Variants in COL26A1 observed in about 807,000 individuals in gnomAD.
COL26A1 encodes the protein collagen alpha-1(XXVI) chain.
A neutral mutation model predicts 59.3 loss-of-function variants in COL26A1; 41 were observed. The ratio of observed to expected loss-of-function variants is 0.69; its 90% confidence interval spans 0.54 to 0.90. The LOEUF is 0.90. Ranked by LOEUF, COL26A1 falls within the 40% of genes least tolerant of loss-of-function variation. The probability of loss-of-function intolerance (pLI) is 0.00; values close to 1 mark genes in which losing one functional copy is unlikely to be tolerated. For synonymous variants in COL26A1, 266 were observed against 256.0 expected (o/e 1.04, Z -0.37); for missense variants, 612 against 602.3 (o/e 1.02, Z -0.17).
chr7:101,441,640 C>G (rs1793060345), intron 2 of COL26A1, among the ~76,000 whole-genome samples: 1 of 152,140 alleles, frequency 6.6e-6, no homozygotes, highest in Non-Finnish European at 1.5e-5. Context: ...TTTTATTGTT[C>G]TCATGACCAT....
chr7:101,407,219 A>C (rs1254073569), intron 1 of COL26A1, among the ~76,000 whole-genome samples: 1 of 151,284 alleles, frequency 6.6e-6, no homozygotes, highest in Non-Finnish European at 1.5e-5. Context: ...CTCTGACCTG[A>C]CTCCATGCCC....
chr7:101,520,311 C>A lies in COL26A1; in HGVS notation c.386-12771C>A, dbSNP rs149406562. 6.2e-3 allele frequency among the ~76,000 whole-genome samples: 939 copies of A among 152,264 alleles called. 1 individual carries two copies. Among genetic ancestry groups the A allele is most frequent in the Non-Finnish European group, 9.2e-3 (625 of 68,018 alleles). ...CAGGGCAGCTCAGCTAGAGACGGTG[C>A]AGAACACAGGGTCCTTGGGGACCCT... On this transcript the variant is annotated intron_variant, in intron 3 of 12. Transcript: ENST00000313669.
intron 1 of COL26A1, among the ~76,000 whole-genome samples, chr7:101,403,824 G>A (rs560275321): frequency 5.3e-5 from 8 of 152,288 alleles, no homozygotes; most frequent in Admixed American, 3.3e-4. Flanking sequence ...GGCCGGGCAC[G>A]GTGGCTCACG....
intron 1 of COL26A1, among the ~76,000 whole-genome samples, chr7:101,410,362 C>T (rs577392249): frequency 2.6e-5 from 4 of 152,242 alleles, no homozygotes; most frequent in East Asian, 3.9e-4. Context: ...CTTGTTTTAC[C>T]GTACCTGCAT....
chr7:101,435,773 C>T (rs541203271), intron 2 of COL26A1, among the ~76,000 whole-genome samples: 2 of 152,298 alleles, frequency 1.3e-5, no homozygotes, highest in African/African-American at 4.8e-5. Flanking sequence ...TTGGCTGTCT[C>T]CCAGGCCCCT....
chr7:101,548,389 C>T (rs112750123), intron 8 of COL26A1, among the ~76,000 whole-genome samples: 33 of 152,336 alleles, frequency 2.2e-4, no homozygotes, highest in African/African-American at 7.0e-4. Flanking sequence ...TGGGCACACA[C>T]ATGAGACCCA....
intron 3 of COL26A1, among the ~76,000 whole-genome samples, chr7:101,469,019 C>G (rs1562996147): frequency 6.6e-6 from 1 of 152,136 alleles, no homozygotes; most frequent in Non-Finnish European, 1.5e-5. Flanking sequence ...TCTCCCAGCA[C>G]AAATGTTTCC....
intron 1 of COL26A1, among the ~76,000 whole-genome samples, chr7:101,394,853 G>A (rs367724543): frequency 9.4e-5 from 14 of 148,966 alleles, no homozygotes; most frequent in African/African-American, 2.7e-4. Flanking sequence ...TCCATAAAGC[G>A]GTTTCTTTTT....
At chr7:101,455,711 C>T (rs36037603) in intron 3 of COL26A1, among the ~76,000 whole-genome samples, 50,174 of 151,322 alleles carry the variant, frequency 0.33, 8,977 homozygotes, top group Middle Eastern at 0.41. Context: ...GAGATGGAGC[C>T]TAGCTCTGTC....
chr7:101,452,817 T>C (rs1793376057), intron 3 of COL26A1, among the ~76,000 whole-genome samples: 1 of 152,054 alleles, frequency 6.6e-6, no homozygotes, highest in Non-Finnish European at 1.5e-5. Flanking sequence ...CAGGCTGAAG[T>C]GCAGTGGTGT....
In COL26A1 at chr7:101,385,394, G is replaced by A. The variant is rs567365582; in HGVS notation, c.158+22204G>A. On this transcript the variant is annotated intron_variant, in intron 1 of 12. Coordinates refer to ENST00000313669, the MANE Select transcript of COL26A1 (RefSeq NM_001278563.3). ...ATATATATATATATATATTTGTGACGGAGTCTCACTCTGTTGCCCAGGCTG... is the reference window on the plus strand; with the variant it reads ...ATATATATATATATATATTTGTGACAGAGTCTCACTCTGTTGCCCAGGCTG... Among the ~76,000 whole-genome samples, 6 of 124,104 alleles carry A rather than the reference G, an allele frequency of 4.8e-5. 1 individual carries two copies. The South Asian group carries it at 9.7e-4, about 20-fold the overall frequency. 81.4% of individuals were successfully genotyped at this position (124,104 alleles called of 152,430 possible).
intron 10 of COL26A1, among the ~76,000 whole-genome samples, chr7:101,552,450 A>T (rs1004778075): frequency 6.6e-6 from 1 of 152,124 alleles, no homozygotes; most frequent in Non-Finnish European, 1.5e-5. Flanking sequence ...CCCCATCTCT[A>T]TAAAAATATT....
intron 1 of COL26A1, among the ~76,000 whole-genome samples, chr7:101,387,291 A>G (rs1018938718): frequency 6.6e-6 from 1 of 151,882 alleles, no homozygotes; most frequent in Admixed American, 6.6e-5. Flanking sequence ...ATGGAAGCCC[A>G]TAGCCCAGCA....
chr7:101,552,962 C>T (rs1394642583), intron 10 of COL26A1, among the ~76,000 whole-genome samples: 1 of 152,142 alleles, frequency 6.6e-6, no homozygotes, highest in Non-Finnish European at 1.5e-5. Flanking sequence ...TCTGGTATTA[C>T]TGGCCTTGTG....
chr7:101,412,767 T>C (rs1792273222), intron 1 of COL26A1, among the ~76,000 whole-genome samples: 1 of 152,090 alleles, frequency 6.6e-6, no homozygotes, highest in South Asian at 2.1e-4. Context: ...CCTCTGCTGC[T>C]GCTGTGCACT....
intron 3 of COL26A1, among the ~76,000 whole-genome samples, chr7:101,455,602 A>G (rs1007782197): frequency 5.3e-5 from 8 of 150,364 alleles, no homozygotes; most frequent in African/African-American, 1.7e-4. Flanking sequence ...TCCCAGGCTC[A>G]AGCGATTCTC....
chr7:101,420,169 G>T, intron 2 of COL26A1, 70 bp downstream of exon 2: 1 of 1,573,928 alleles, frequency 6.4e-7, no homozygotes, highest in Non-Finnish European at 8.7e-7. Context: ...GTCCCAGGAT[G>T]GCTCTGGGAG....
chr7:101,424,652 C>T (rs1218494646), intron 2 of COL26A1, among the ~76,000 whole-genome samples: 2 of 152,142 alleles, frequency 1.3e-5, no homozygotes, highest in African/African-American at 2.4e-5. Flanking sequence ...TTTTCTTTCT[C>T]ACTAGTAACT....
intron 3 of COL26A1, among the ~76,000 whole-genome samples, chr7:101,458,560 G>A (rs1169095681): frequency 6.6e-6 from 1 of 152,058 alleles, no homozygotes. Context: ...ATCACTGGAA[G>A]GTGGAGGTTA....
Sources: gnomAD v4.1 joint callset for allele counts (sites outside exome capture counted in the v4.1 genomes callset) on GRCh38, gnomAD v4.1.1 for gene constraint, MANE v1.5 for transcripts, NCBI Gene and HGNC (gene_info 2026-07-23, HGNC 2026-07-21) for gene names.